The following NAV2 variants were observed in gnomAD, a reference collection of about 807,000 sequenced individuals.
The protein encoded by NAV2 is helicase, APC down-regulated 1.
NAV2 carries 54 observed loss-of-function variants against 223.2 expected under a neutral mutation model. The observed-to-expected ratio is 0.24, with a 90% CI of 0.19 to 0.30. The LOEUF (loss-of-function observed/expected upper bound fraction) is 0.30. NAV2 is among the 10% of genes least tolerant of loss of function. The probability of loss-of-function intolerance (pLI) is 1.00; values close to 1 mark genes in which losing one functional copy is unlikely to be tolerated. For synonymous variants in NAV2, 1,279 were observed against 1,239.3 expected (o/e 1.03, Z -0.67); for missense variants, 2,806 against 3,147.5 (o/e 0.89, Z 2.60).
At chr11:19,990,121 C>CA (rs1565714118) in intron 11 of NAV2, among the ~76,000 whole-genome samples, 1 of 152,226 alleles carries the variant, frequency 6.6e-6, no homozygotes, top group Non-Finnish European at 1.5e-5. Flanking sequence ...GGCTTGCCCT[C>CA]ACCCCTTTTC....
At chr11:19,582,893 G>GT (rs901595541) in intron 1 of NAV2, among the ~76,000 whole-genome samples, 8 of 152,200 alleles carry the variant, frequency 5.3e-5, no homozygotes, top group African/African-American at 1.9e-4. Context: ...CTTTAAAGTA[G>GT]TTTTTTCCAA....
chr11:19,945,624 G>A (rs538189012), intron 8 of NAV2, among the ~76,000 whole-genome samples: 11 of 152,276 alleles, frequency 7.2e-5, no homozygotes, highest in East Asian at 3.9e-4. Flanking sequence ...GATTATAGGC[G>A]TGAGCCACTG....
At chr11:19,616,519 T>C (rs2046799093) in intron 1 of NAV2, among the ~76,000 whole-genome samples, 1 of 151,426 alleles carries the variant, frequency 6.6e-6, no homozygotes, top group Admixed American at 6.6e-5. Flanking sequence ...GCAGGGAGAG[T>C]TGGGAGAGGG....
chr11:20,049,304 CTCTT>C (rs1019612440), intron 15 of NAV2, 109 bp downstream of exon 15: 21 of 851,082 alleles, frequency 2.5e-5, no homozygotes, highest in Non-Finnish European at 9.0e-6. Context: ...TAAGATTTCT[CTCTT>C]TCTAATTACT....
At chr11:20,031,225 A>G (rs150425755) in intron 11 of NAV2, among the ~76,000 whole-genome samples, 69 of 152,330 alleles carry the variant, frequency 4.5e-4, no homozygotes, top group African/African-American at 1.6e-3. Context: ...ATTTCACCAC[A>G]TAGTAAACAC....
At chr11:19,697,419 T>C (rs2095644574) in intron 1 of NAV2, among the ~76,000 whole-genome samples, 1 of 152,036 alleles carries the variant, frequency 6.6e-6, no homozygotes, top group African/African-American at 2.4e-5. Context: ...ATATATCCTT[T>C]AATCTATAAT....
At chr11:19,726,036 G>A (rs182850776) in intron 1 of NAV2, among the ~76,000 whole-genome samples, 35 of 152,320 alleles carry the variant, frequency 2.3e-4, no homozygotes, top group Admixed American at 3.9e-4. Context: ...GGCCCTCGCC[G>A]TTCTGCGGTG....
chr11:19,579,414 A>G (rs1009682269), intron 1 of NAV2, among the ~76,000 whole-genome samples: 2 of 152,134 alleles, frequency 1.3e-5, no homozygotes, highest in African/African-American at 4.8e-5. Context: ...TCTGCCCTTC[A>G]TAACACAGCT....
At chr11:19,714,402 G>GC in intron 1 of NAV2, 1 of 462,214 alleles carries the variant, frequency 2.2e-6, no homozygotes, top group Middle Eastern at 3.2e-4. Flanking sequence ...TGGGTTCGAC[G>GC]CCCCCTAGCC....
intron 1 of NAV2, among the ~76,000 whole-genome samples, chr11:19,771,589 A>AC (rs958125847): frequency 9.0e-4 from 135 of 149,472 alleles, no homozygotes; most frequent in African/African-American, 2.3e-3. Context: ...CCCTCATCTG[A>AC]CCCCCCCCAT....
At chr11:19,385,894 T>TG (rs1849024100) in intron 1 of NAV2, among the ~76,000 whole-genome samples, 1 of 151,824 alleles carries the variant, frequency 6.6e-6, no homozygotes. Flanking sequence ...CCCGAGTAGC[T>TG]GGGACTACAG....
In NAV2 at chr11:20,113,314, G is replaced by A. The variant is rs57046343; in HGVS notation, c.6961-1278G>A. On this transcript the variant is annotated intron_variant, in intron 36 of 37. Coordinates refer to ENST00000349880, the MANE Select transcript of NAV2 (RefSeq NM_145117.5). ...ACAAAGTCAGCTGGAAGATGTGGTG[G>A]TGTTAAAGGAGAAAAATATAAAGCC... Among the ~76,000 whole-genome samples the A allele has an allele frequency of 8.0e-3, 1,212 of 152,248 alleles. 16 individuals carry two copies. The highest frequency in any genetic ancestry group is 0.028 in the African/African-American group (1,167 of 41,522).
At chr11:19,927,556 ACT>A (rs937636568) in intron 6 of NAV2, among the ~76,000 whole-genome samples, 1 of 151,688 alleles carries the variant, frequency 6.6e-6, no homozygotes, top group Non-Finnish European at 1.5e-5. Context: ...CAAGAGTGAA[ACT>A]CTGTCTCAAA....
chr11:20,101,029 C>A lies in NAV2; in HGVS notation c.6274C>A (p.Arg2092Ser), dbSNP rs1302689778. The A allele has an allele frequency of 6.2e-7, 1 of 1,614,114 alleles. No individual in the cohort carries two copies. Among genetic ancestry groups the A allele is most frequent in the East Asian group, 2.2e-5 (1 of 44,868 alleles). Residue 2092 changes from arginine to serine, a missense_variant, in exon 32 of 38, where the codon CGT becomes AGT. Transcript: ENST00000349880. Reference sequence around the variant, plus strand: ...CTACGTCTCCCTCCTGATAGAGCACCGTCGGATCATTCTCTCTGGCCCCAG... The same window carrying A: ...CTACGTCTCCCTCCTGATAGAGCACAGTCGGATCATTCTCTCTGGCCCCAG... ...QRYVSLLIEH[R>S]RIILSGPSGT...
intron 36 of NAV2, among the ~76,000 whole-genome samples, chr11:20,108,320 C>T (rs2062318777): frequency 6.6e-6 from 1 of 152,130 alleles, no homozygotes; most frequent in Non-Finnish European, 1.5e-5. Flanking sequence ...GGTCAAATTC[C>T]AGGTTCTTAG....
intron 13 of NAV2, among the ~76,000 whole-genome samples, 155 bp from the exon 14 acceptor site, chr11:20,044,813 A>G (rs545673502): frequency 2.6e-4 from 40 of 152,292 alleles, no homozygotes; most frequent in African/African-American, 9.6e-4. Flanking sequence ...CTCACGGTAC[A>G]TTAGTAGACT....
At chr11:19,559,203 G>A (rs2045011144) in intron 1 of NAV2, among the ~76,000 whole-genome samples, 2 of 152,212 alleles carry the variant, frequency 1.3e-5, no homozygotes, top group South Asian at 4.1e-4. Flanking sequence ...ATACATGGAA[G>A]CCACCTTCAC....
intron 1 of NAV2, among the ~76,000 whole-genome samples, chr11:19,630,973 A>G (rs1173060950): frequency 2.0e-5 from 3 of 151,428 alleles, no homozygotes; most frequent in Non-Finnish European, 4.4e-5. Context: ...GAAGGAAAAA[A>G]GAAATTTGGT....
At chr11:19,972,388 G>C (rs2252099) in intron 10 of NAV2, among the ~76,000 whole-genome samples, 129,482 of 152,200 alleles carry the variant, frequency 0.85, 55,632 homozygotes, top group African/African-American at 0.94. Flanking sequence ...TTGAGCATCC[G>C]ATAGTCACCT....
Sources: gnomAD v4.1 joint callset for allele counts (sites outside exome capture counted in the v4.1 genomes callset) on GRCh38, gnomAD v4.1.1 for gene constraint, MANE v1.5 for transcripts, NCBI Gene and HGNC (gene_info 2026-07-23, HGNC 2026-07-21) for gene names.